MYOCOS: variants seen among roughly 807,000 people sequenced by gnomAD.
MYOCOS encodes myocilin opposite strand.
At chr1:171,602,653 G>A (rs1652165885) in intron 1 of MYOCOS, among the ~76,000 whole-genome samples, 1 of 152,030 alleles carries the variant, frequency 6.6e-6, no homozygotes, top group Admixed American at 6.6e-5. Context: ...AGATAAATAT[G>A]TCTACAAGGT....
At chr1:171,615,524 C>T (rs898538921) in intron 2 of MYOCOS, among the ~76,000 whole-genome samples, 3 of 152,102 alleles carry the variant, frequency 2.0e-5, no homozygotes, top group Admixed American at 6.5e-5. Context: ...ACAGGCAGCC[C>T]GGTGCCAGGC....
In MYOCOS at chr1:171,613,727, T is replaced by C. The variant is rs142704376; in HGVS notation, c.-251-1071T>C. On this transcript the variant is annotated intron_variant, in intron 1 of 3. Transcript: ENST00000636697. The stretch of plus-strand genomic sequence containing the variant: ...CACACCTGGCTAACTTTTTAATTTT[T>C]TGTAGCTATAGGGTCTCACTATGTT... Among the ~76,000 whole-genome samples the C allele has an allele frequency of 2.6e-5, 4 of 152,192 alleles. 1 individual carries two copies. Among genetic ancestry groups the C allele is most frequent in the African/African-American group, 9.6e-5 (4 of 41,528 alleles).
At chr1:171,622,207 T>C (rs1652588920), upstream of MYOCOS, 1 of 152,216 alleles carries the variant, frequency 6.6e-6, no homozygotes, top group Non-Finnish European at 1.5e-5. Flanking sequence ...ACAATGTGTT[T>C]ACTAGCATCT....
intron 1 of MYOCOS, among the ~76,000 whole-genome samples, chr1:171,609,204 GA>G (rs1400741481): frequency 6.6e-6 from 1 of 152,188 alleles, no homozygotes; most frequent in East Asian, 1.9e-4. Context: ...TCTATGACTG[GA>G]AGCTACACTT....
upstream of MYOCOS, among the ~76,000 whole-genome samples, chr1:171,620,562 C>A (rs577614391): frequency 6.6e-6 from 1 of 152,218 alleles, no homozygotes; most frequent in African/African-American, 2.4e-5. Context: ...TAAGGGCAGC[C>A]ACTATAAGAC....
upstream of MYOCOS, among the ~76,000 whole-genome samples, chr1:171,619,014 G>A (rs1466598898): frequency 2.0e-5 from 3 of 152,252 alleles, no homozygotes; most frequent in South Asian, 2.1e-4. Context: ...AGAGCTTTTG[G>A]TGCCCCCAAT....
intron 1 of MYOCOS, among the ~76,000 whole-genome samples, chr1:171,603,475 T>C (rs914685107): frequency 9.9e-5 from 15 of 152,220 alleles, no homozygotes; most frequent in African/African-American, 2.7e-4. Context: ...TTAGATGCAA[T>C]TGGAGCCCCA....
chr1:171,605,750 C>T (rs1009059004), intron 1 of MYOCOS, among the ~76,000 whole-genome samples: 19 of 152,150 alleles, frequency 1.2e-4, no homozygotes, highest in African/African-American at 4.6e-4. Flanking sequence ...TACTATAAGC[C>T]TGCCACTTAG....
At chr1:171,600,941 CG>C (rs1016127483) in exon 1 of MYOCOS, 26 of 152,212 alleles carry the variant, frequency 1.7e-4, no homozygotes, top group African/African-American at 6.3e-4. Flanking sequence ...GTTCCCTGAC[CG>C]GGAAACGAGG....
At chr1:171,623,714 G>A (rs1652620548) in intron 1 of MYOCOS, 127 bp from the exon 2 acceptor site, 2 of 395,800 alleles carry the variant, frequency 5.1e-6, no homozygotes, top group Non-Finnish European at 8.9e-6. Context: ...TGAAGGCCAG[G>A]CTGTAGGGAG....
upstream of MYOCOS, among the ~76,000 whole-genome samples, chr1:171,619,112 A>G (rs1321980410): frequency 1.3e-5 from 2 of 152,116 alleles, no homozygotes; most frequent in Non-Finnish European, 2.9e-5. Context: ...TTTTACCCAT[A>G]TATGTATTTG....
upstream of MYOCOS, among the ~76,000 whole-genome samples, chr1:171,619,336 G>C (rs1652512091): frequency 6.6e-6 from 1 of 152,124 alleles, no homozygotes; most frequent in African/African-American, 2.4e-5. Flanking sequence ...ATGTTTAGAG[G>C]TCAGGATTCA....
intron 1 of MYOCOS, among the ~76,000 whole-genome samples, chr1:171,605,051 A>C (rs988399380): frequency 2.0e-5 from 3 of 152,088 alleles, no homozygotes; most frequent in Non-Finnish European, 4.4e-5. Context: ...GATGAACTAA[A>C]TGTGCCAGTA....
chr1:171,620,559 A>G (rs977717644), upstream of MYOCOS, among the ~76,000 whole-genome samples: 1 of 152,196 alleles, frequency 6.6e-6, no homozygotes, highest in Non-Finnish European at 1.5e-5. Flanking sequence ...CTCTAAGGGC[A>G]GCCACTATAA....
chr1:171,605,085 A>AT (rs34569537), intron 1 of MYOCOS, among the ~76,000 whole-genome samples: 34,727 of 147,784 alleles, frequency 0.23, 4,886 homozygotes, highest in African/African-American at 0.41. Context: ...GAAAAACTAA[A>AT]TTTTTTTTTT....
intron 1 of MYOCOS, among the ~76,000 whole-genome samples, chr1:171,610,291 G>A (rs1393859406): frequency 6.6e-6 from 1 of 152,072 alleles, no homozygotes; most frequent in African/African-American, 2.4e-5. Context: ...TCTCCAAGTT[G>A]GTACCTCAAT....
At chr1:171,624,597 C>T (rs1321394872) in intron 2 of MYOCOS, among the ~76,000 whole-genome samples, 4 of 151,976 alleles carry the variant, frequency 2.6e-5, no homozygotes, top group African/African-American at 9.7e-5. Flanking sequence ...CCACGACGCC[C>T]GGCTAATATT....
chr1:171,615,289 G>A (rs969662184), intron 2 of MYOCOS, among the ~76,000 whole-genome samples: 10 of 152,300 alleles, frequency 6.6e-5, no homozygotes, highest in Admixed American at 2.6e-4. Context: ...AACAGTGGAG[G>A]TGATAAGAAG....
chr1:171,616,118 G>A (rs762966577), intron 2 of MYOCOS, among the ~76,000 whole-genome samples: 2 of 152,130 alleles, frequency 1.3e-5, no homozygotes, highest in African/African-American at 2.4e-5. Flanking sequence ...TTGTGAAGCT[G>A]AAGCAGGAGA....
Sources: gnomAD v4.1 joint callset for allele counts (sites outside exome capture counted in the v4.1 genomes callset) on GRCh38, gnomAD v4.1.1 for gene constraint, MANE v1.5 for transcripts, NCBI Gene and HGNC (gene_info 2026-07-23, HGNC 2026-07-21) for gene names.